ZNF385D: variants seen among roughly 807,000 people sequenced by gnomAD.
ZNF385D encodes zinc finger protein 385D, also known as zinc finger protein 659.
A neutral mutation model predicts 35.8 loss-of-function variants in ZNF385D; 15 were observed. The observed-to-expected ratio is 0.42, with a 90% CI of 0.28 to 0.64. The LOEUF (loss-of-function observed/expected upper bound fraction) is 0.64. Ranked by LOEUF, ZNF385D falls within the 30% of genes least tolerant of loss-of-function variation. The pLI is 0.23. For missense variants in ZNF385D, 474 were observed against 494.6 expected (o/e 0.96, Z 0.39); for synonymous variants, 212 against 186.8 (o/e 1.13, Z -1.10).
intron 2 of ZNF385D, among the ~76,000 whole-genome samples, chr3:22,315,880 C>A (rs991958722): frequency 1.3e-5 from 2 of 152,064 alleles, no homozygotes; most frequent in Non-Finnish European, 2.9e-5. Context: ...TGAAAGGCCA[C>A]AAGATTAGGA....
chr3:22,059,195 G>A lies in ZNF385D; in HGVS notation c.325+109622C>T, dbSNP rs115140790. On this transcript the variant is annotated intron_variant, in intron 3 of 5. Coordinates refer to the ZNF385D transcript ENST00000494108. The stretch of plus-strand genomic sequence containing the variant: ...TTGGAGGTGACTGCCCTCTGGTCAG[G>A]ACTGAGCATTAATTTAAAGACTTCT... Among the ~76,000 whole-genome samples, 336 of 152,252 alleles carry A rather than the reference G, an allele frequency of 2.2e-3. 1 individual carries two copies. The highest frequency in any genetic ancestry group is 7.8e-3 in the African/African-American group (322 of 41,536).
intron 2 of ZNF385D, among the ~76,000 whole-genome samples, chr3:22,213,865 T>C (rs1349459227): frequency 6.6e-6 from 1 of 152,096 alleles, no homozygotes; most frequent in East Asian, 1.9e-4. Context: ...TTGTGACATG[T>C]GTATTCTCTC....
chr3:21,994,769 G>T (rs756223884), intron 3 of ZNF385D, among the ~76,000 whole-genome samples: 20 of 152,320 alleles, frequency 1.3e-4, no homozygotes, highest in East Asian at 3.9e-4. Flanking sequence ...GGATGGGCAT[G>T]GTAGTGTAGT....
intron 2 of ZNF385D, among the ~76,000 whole-genome samples, chr3:21,630,897 T>A (rs1400857087): frequency 6.6e-6 from 1 of 152,062 alleles, no homozygotes; most frequent in Non-Finnish European, 1.5e-5. Context: ...TAGGGGGAAT[T>A]AGTGAGATGA....
chr3:22,095,295 T>A (rs1356621919), intron 3 of ZNF385D, among the ~76,000 whole-genome samples: 1 of 151,980 alleles, frequency 6.6e-6, no homozygotes, highest in Non-Finnish European at 1.5e-5. Flanking sequence ...TTTTATTTCT[T>A]TATGGACCAC....
intron 3 of ZNF385D, among the ~76,000 whole-genome samples, chr3:21,806,642 A>G (rs930642604): frequency 3.3e-5 from 5 of 152,172 alleles, no homozygotes; most frequent in Admixed American, 2.6e-4. Flanking sequence ...ATTTTTTGGG[A>G]GATTTTGTTG....
At chr3:21,789,773 T>A (rs1052513883) in intron 3 of ZNF385D, among the ~76,000 whole-genome samples, 19 of 152,174 alleles carry the variant, frequency 1.2e-4, no homozygotes, top group African/African-American at 4.6e-4. Flanking sequence ...ATGCTTAAAA[T>A]ATTCAGCAAG....
chr3:21,853,270 G>A (rs12496128), intron 3 of ZNF385D, among the ~76,000 whole-genome samples: 30,732 of 151,634 alleles, frequency 0.2, 3,309 homozygotes, highest in Admixed American at 0.26. Context: ...TTCCATAAAA[G>A]GACAGTAAAA....
At chr3:22,152,804 T>C (rs1337670003) in intron 3 of ZNF385D, among the ~76,000 whole-genome samples, 1 of 152,206 alleles carries the variant, frequency 6.6e-6, no homozygotes, top group Non-Finnish European at 1.5e-5. Flanking sequence ...GATTAGGATG[T>C]ATACATCTTT....
chr3:22,144,537 C>A (rs1176945408), intron 3 of ZNF385D, among the ~76,000 whole-genome samples: 1 of 129,234 alleles, frequency 7.7e-6, no homozygotes, highest in Non-Finnish European at 1.6e-5. Flanking sequence ...CATGCCACTG[C>A]ACTCCAGCCT....
chr3:22,138,512 A>G (rs1228171483), intron 3 of ZNF385D, among the ~76,000 whole-genome samples: 10 of 151,756 alleles, frequency 6.6e-5, no homozygotes, highest in Admixed American at 2.0e-4. Context: ...AAATAATGCC[A>G]CATATCTACA....
chr3:21,503,657 A>C (rs1372985482), intron 4 of ZNF385D, among the ~76,000 whole-genome samples: 1 of 152,160 alleles, frequency 6.6e-6, no homozygotes, highest in Admixed American at 6.6e-5. Context: ...GAAATAAAAG[A>C]ATCCAGATTT....
intron 4 of ZNF385D, among the ~76,000 whole-genome samples, chr3:21,484,558 G>GCTTT (rs1417677811): frequency 6.6e-6 from 1 of 152,174 alleles, no homozygotes; most frequent in African/African-American, 2.4e-5. Context: ...GATATGTAAA[G>GCTTT]GGTCTAGATC....
chr3:22,105,429 A>G (rs1287743914), intron 3 of ZNF385D, among the ~76,000 whole-genome samples: 6 of 152,112 alleles, frequency 3.9e-5, no homozygotes, highest in Non-Finnish European at 8.8e-5. Context: ...GTACATATAC[A>G]TACATACTTA....
At chr3:22,365,312 A>C (rs1233152554) in intron 2 of ZNF385D, among the ~76,000 whole-genome samples, 6 of 152,032 alleles carry the variant, frequency 3.9e-5, no homozygotes, top group Non-Finnish European at 8.8e-5. Flanking sequence ...CTATTCACTG[A>C]GGGCGAAATA....
intron 3 of ZNF385D, among the ~76,000 whole-genome samples, chr3:22,026,404 T>C (rs922284066): frequency 2.0e-5 from 3 of 152,184 alleles, no homozygotes; most frequent in Non-Finnish European, 2.9e-5. Flanking sequence ...GGTAACTGCA[T>C]TGGGGAAAGG....
rs144931546 is a variant in ZNF385D at position 22,065,395 on chromosome 3, G to A, written c.325+103422C>T. Among the ~76,000 whole-genome samples, 21 of 152,312 alleles carry A rather than the reference G, an allele frequency of 1.4e-4. No individual in the cohort carries two copies. The Middle Eastern group carries it at 0.01, about 75-fold the overall frequency. On this transcript the variant is annotated intron_variant, in intron 3 of 5. Coordinates refer to the ZNF385D transcript ENST00000494108. ...TGCTGGGGACTTGACTGCAAAGAAT[G>A]ATGCCTGCTTTTCTAAAAAACACAC...
chr3:21,946,789 G>A (rs1167733199), intron 3 of ZNF385D, among the ~76,000 whole-genome samples: 7 of 152,288 alleles, frequency 4.6e-5, no homozygotes, highest in Admixed American at 2.0e-4. Context: ...CCGAAATTGC[G>A]CTACTGCACT....
intron 3 of ZNF385D, among the ~76,000 whole-genome samples, chr3:21,869,375 C>A (rs149294518): frequency 7.9e-5 from 12 of 152,090 alleles, no homozygotes; most frequent in Admixed American, 6.6e-4. Flanking sequence ...ATGTCCCACA[C>A]CAAACTTCAA....
Sources: allele counts gnomAD v4.1 joint callset (sites outside exome capture counted in the v4.1 genomes callset), GRCh38; gene constraint gnomAD v4.1.1; transcripts MANE v1.5; gene names NCBI Gene and HGNC (gene_info 2026-07-23, HGNC 2026-07-21).